The following TDRD1 variants were observed in gnomAD, a reference collection of about 807,000 sequenced individuals.
The protein encoded by TDRD1 is tudor domain-containing protein 1.
Under a neutral mutation model 140.6 loss-of-function variants are expected in TDRD1, and 37 were observed. That is an observed-to-expected ratio of 0.26 (90% CI 0.20 to 0.35). The LOEUF (loss-of-function observed/expected upper bound fraction) is 0.35. Among genes scored for constraint, TDRD1 ranks in the 10% least tolerant of loss-of-function variants. TDRD1 has a pLI of 1.00. For missense variants in TDRD1, 1,243 were observed against 1,393.0 expected, an observed-to-expected ratio of 0.89 and a Z score of 1.71; for synonymous variants, 506 against 475.7, an observed-to-expected ratio of 1.06 and a Z score of -0.83.
In TDRD1 at chr10:114,232,262, T is replaced by C. The variant is rs1310270445; in HGVS notation, c.*745T>C. 2.0e-5 allele frequency: 3 copies of C among 151,502 alleles called. 1 individual carries two copies. In the East Asian group the frequency reaches 5.8e-4, roughly 29 times the overall value. The allele number at this position is 151,502 out of a possible 1,614,324, so 9.4% of individuals were successfully genotyped here. A position where few individuals can be genotyped will look rare whatever the true frequency, so the allele number is the denominator to read the frequency against. On this transcript the variant is annotated 3_prime_UTR_variant, in exon 26 of 26. Transcript: ENST00000251864. ...TAGATTTTTGTTGTTATAGATAGAATTTACTGTTTCTGAAACCCAAATACA... is the reference window on the plus strand; with the variant it reads ...TAGATTTTTGTTGTTATAGATAGAACTTACTGTTTCTGAAACCCAAATACA...
intron 14 of TDRD1, 60 bp downstream of exon 14, chr10:114,212,096 A>G (rs1251705751): frequency 2.7e-6 from 4 of 1,461,926 alleles, no homozygotes; most frequent in Non-Finnish European, 3.7e-6. Context: ...GAAACATGAA[A>G]AGATACACGA....
intron 3 of TDRD1, among the ~76,000 whole-genome samples, chr10:114,193,592 G>A (rs1235983139): frequency 1.3e-5 from 2 of 152,222 alleles, no homozygotes; most frequent in African/African-American, 4.8e-5. Flanking sequence ...ACCGGGACCA[G>A]CCACTGAAGT....
At chr10:114,196,833 C>CTTT (rs36124319) in intron 3 of TDRD1, among the ~76,000 whole-genome samples, 2,200 of 48,318 alleles carry the variant, frequency 0.046, 693 homozygotes, top group African/African-American at 0.15. Context: ...TTCTAGCAGT[C>CTTT]TTTTTTTTTT....
intron 21 of TDRD1, among the ~76,000 whole-genome samples, chr10:114,222,938 C>G (rs1286908321): frequency 1.3e-5 from 2 of 152,124 alleles, no homozygotes; most frequent in Non-Finnish European, 2.9e-5. Flanking sequence ...TCAGTACTTA[C>G]AGATAACCAG....
At chr10:114,212,186 AATCAGAG>A (rs987213608) in intron 14 of TDRD1, 150 bp downstream of exon 14, 12 of 691,430 alleles carry the variant, frequency 1.7e-5, no homozygotes, top group Non-Finnish European at 2.7e-5. Context: ...ATCCCAAAGA[AATCAGAG>A]ATTTCTTTCC....
At chr10:114,213,609 A>G (rs781499214) in intron 15 of TDRD1, 21 bp downstream of exon 15, 12 of 1,607,406 alleles carry the variant, frequency 7.5e-6, no homozygotes, top group African/African-American at 1.3e-5. Flanking sequence ...TGTTTACTGG[A>G]TAATGCCTGT....
intron 11 of TDRD1, among the ~76,000 whole-genome samples, chr10:114,209,397 G>A (rs1447759841): frequency 6.6e-6 from 1 of 152,184 alleles, no homozygotes; most frequent in Non-Finnish European, 1.5e-5. Flanking sequence ...CCTTACTCCA[G>A]TTTAGTGCTC....
rs1462592691 is a variant in TDRD1, at chr10:114,221,250, G to A, written c.2771-107G>A. On this transcript the variant is annotated intron_variant, in intron 19 of 25. Transcript: ENST00000251864. ...ATTTTTATTTTGGGGATTTGGAAAT[G>A]TTGATAATCATTTCATGAACAAATG... The A allele has an allele frequency of 2.9e-5, 32 of 1,103,176 alleles. No individual in the cohort carries two copies. The East Asian group carries it at 7.9e-4, about 27-fold the overall frequency. The allele number at this position is 1,103,176 out of a possible 1,614,324, so 68.3% of individuals were successfully genotyped here. A position where few individuals can be genotyped will look rare whatever the true frequency, so the allele number is the denominator to read the frequency against.
upstream of TDRD1, among the ~76,000 whole-genome samples, chr10:114,177,514 C>T (rs138173090): frequency 4.3e-3 from 649 of 152,218 alleles, 4 homozygotes; most frequent in African/African-American, 0.014. Context: ...TACAAAAGGC[C>T]TGAGAGTACT....
chr10:114,217,325 C>T (rs183221577), intron 16 of TDRD1, among the ~76,000 whole-genome samples: 53 of 152,072 alleles, frequency 3.5e-4, no homozygotes, highest in African/African-American at 1.2e-3. Flanking sequence ...TCTTTTTGCC[C>T]AGTAAATCGT....
chr10:114,231,432 G>A lies in TDRD1; in HGVS notation c.3539-54G>A, dbSNP rs2036750287. 1.6e-5 allele frequency: 22 copies of A among 1,404,490 alleles called. No homozygotes were observed. In the South Asian group the frequency reaches 2.6e-4, roughly 16 times the overall value. The allele number at this position is 1,404,490 out of a possible 1,614,324, so 87.0% of individuals were successfully genotyped here. Reference sequence around the variant, plus strand: ...CTTGTATTTGAAATTAAAAGCCATAGCAATTGAGTTTTTGTGTAAGGCATA... The same window carrying A: ...CTTGTATTTGAAATTAAAAGCCATAACAATTGAGTTTTTGTGTAAGGCATA... On this transcript the variant is annotated intron_variant, in intron 25 of 25. Transcript: ENST00000251864.
At chr10:114,211,733 A>G in intron 13 of TDRD1, 133 bp from the exon 14 acceptor site, 1 of 875,938 alleles carries the variant, frequency 1.1e-6, no homozygotes, top group Non-Finnish European at 1.6e-6. Context: ...CAAAATTAGT[A>G]AACATTGTTC....
intron 11 of TDRD1, 62 bp from the exon 12 acceptor site, chr10:114,210,519 T>C (rs1273142117): frequency 2.3e-5 from 33 of 1,439,232 alleles, no homozygotes; most frequent in Non-Finnish European, 2.8e-5. Context: ...AAAGCGTGCA[T>C]AATTTTTTTT....
chr10:114,226,815 C>T (rs770639686), intron 22 of TDRD1, among the ~76,000 whole-genome samples: 1 of 152,082 alleles, frequency 6.6e-6, no homozygotes, highest in Non-Finnish European at 1.5e-5. Context: ...CTTTGTTTCT[C>T]CTGTTGGAAT....
At chr10:114,222,890 T>C (rs562133941) in intron 21 of TDRD1, among the ~76,000 whole-genome samples, 187 bp downstream of exon 21, 62 of 152,328 alleles carry the variant, frequency 4.1e-4, no homozygotes, top group African/African-American at 1.4e-3. Flanking sequence ...ATATAGATTA[T>C]TTTTAGGCAA....
chr10:114,204,752 C>T (rs376497005), exon 10 of TDRD1: 1 of 1,594,236 alleles, frequency 6.3e-7, no homozygotes, highest in Non-Finnish European at 8.5e-7. Flanking sequence ...CAATGTTATC[C>T]CAGCAGAAGG....
At chr10:114,191,489 A>C (rs1011942392) in intron 3 of TDRD1, among the ~76,000 whole-genome samples, 7 of 152,318 alleles carry the variant, frequency 4.6e-5, no homozygotes, top group Middle Eastern at 3.4e-3. Flanking sequence ...ACAGTACGTA[A>C]CCTTTTGGGA....
chr10:114,220,943 T>G (rs996914674), intron 19 of TDRD1, 100 bp downstream of exon 19: 22 of 753,006 alleles, frequency 2.9e-5, no homozygotes, highest in South Asian at 3.6e-5. Context: ...CCTGTAGAGA[T>G]ATGCTTTACG....
intron 13 of TDRD1, 148 bp from the exon 14 acceptor site, chr10:114,211,718 A>T (rs1362924899): frequency 1.8e-5 from 13 of 736,750 alleles, no homozygotes; most frequent in Non-Finnish European, 2.4e-5. Flanking sequence ...AAGGCTTCTG[A>T]TAAGCAAAAT....
Sources: gnomAD v4.1 joint callset for allele counts (sites outside exome capture counted in the v4.1 genomes callset) on GRCh38, gnomAD v4.1.1 for gene constraint, MANE v1.5 for transcripts, NCBI Gene and HGNC (gene_info 2026-07-23, HGNC 2026-07-21) for gene names.